The following CTCF variants were observed in gnomAD, a reference collection of about 807,000 sequenced individuals.
The protein encoded by CTCF is transcriptional repressor CTCF.
CTCF carries 7 observed loss-of-function variants against 72.3 expected under a neutral mutation model. The observed-to-expected ratio is 0.10, with a 90% CI of 0.06 to 0.18. The LOEUF is 0.18. CTCF is among the 10% of genes least tolerant of loss of function. The pLI is 1.00. For missense variants in CTCF, 516 were observed against 949.1 expected (o/e 0.54, Z 6.00); for synonymous variants, 374 against 315.8 (o/e 1.18, Z -1.95).
chr16:67,579,098 T>G (rs2051544815), intron 2 of CTCF, among the ~76,000 whole-genome samples: 1 of 150,182 alleles, frequency 6.7e-6, no homozygotes, highest in Admixed American at 6.6e-5. Context: ...CTACTAAAAA[T>G]ACAAAAATTA....
chr16:67,624,908 C>G (rs2052262283), intron 7 of CTCF, among the ~76,000 whole-genome samples: 1 of 151,652 alleles, frequency 6.6e-6, no homozygotes, highest in Non-Finnish European at 1.5e-5. Context: ...TCTGAGACTT[C>G]TTTGTGTGTA....
intron 2 of CTCF, among the ~76,000 whole-genome samples, chr16:67,585,193 G>A (rs558185552): frequency 2.0e-5 from 3 of 152,270 alleles, no homozygotes; most frequent in Admixed American, 6.5e-5. Context: ...GGGACTACAG[G>A]CATGCACCAT....
chr16:67,581,365 C>T (rs1037756644), intron 2 of CTCF, among the ~76,000 whole-genome samples: 4 of 151,722 alleles, frequency 2.6e-5, no homozygotes, highest in African/African-American at 4.8e-5. Context: ...CTCCGTCTCC[C>T]GTGCTGGAGT....
intron 2 of CTCF, among the ~76,000 whole-genome samples, chr16:67,588,660 T>TA (rs1213526255): frequency 1.3e-5 from 2 of 152,040 alleles, no homozygotes; most frequent in Non-Finnish European, 2.9e-5. Flanking sequence ...AGGCTACCCT[T>TA]AACAGAGGGC....
chr16:67,616,675 C>A, intron 4 of CTCF, 70 bp from the exon 5 acceptor site: 1 of 1,549,526 alleles, frequency 6.5e-7, no homozygotes, highest in South Asian at 1.1e-5. Context: ...CAGTTCTGTG[C>A]CACACATTGA....
At chr16:67,630,571 A>G (rs1330961802) in intron 10 of CTCF, among the ~76,000 whole-genome samples, 1 of 152,122 alleles carries the variant, frequency 6.6e-6, no homozygotes, top group Non-Finnish European at 1.5e-5. Context: ...CCTGGGGAAC[A>G]TGGCAAAACC....
At chr16:67,603,415 C>T (rs899909278) in intron 2 of CTCF, among the ~76,000 whole-genome samples, 1 of 151,658 alleles carries the variant, frequency 6.6e-6, no homozygotes, top group African/African-American at 2.4e-5. Context: ...TGCCTGTAGT[C>T]CCAGCTACTC....
intron 8 of CTCF, 37 bp downstream of exon 8, chr16:67,626,752 G>T: frequency 7.3e-7 from 1 of 1,362,630 alleles, no homozygotes. Flanking sequence ...GTGCTTTCTC[G>T]GTGTCTGGTG....
At chr16:67,595,402 C>T (rs1168307567) in intron 2 of CTCF, among the ~76,000 whole-genome samples, 1 of 152,194 alleles carries the variant, frequency 6.6e-6, no homozygotes, top group Non-Finnish European at 1.5e-5. Flanking sequence ...ATTGTACCTT[C>T]ATCGTACAGA....
At chr16:67,629,669 GTCTATT>G in intron 10 of CTCF, 136 bp downstream of exon 10, 2 of 671,404 alleles carry the variant, frequency 3.0e-6, no homozygotes, top group Non-Finnish European at 4.3e-6. Context: ...ATCTCCTAAC[GTCTATT>G]TACAACAGCA....
intron 8 of CTCF, chr16:67,627,030 A>G (rs1461985661): frequency 9.1e-6 from 2 of 219,204 alleles, no homozygotes; most frequent in East Asian, 9.1e-5. Flanking sequence ...GAGCCAAAGA[A>G]GGAGCTCAGC....
At chr16:67,588,928 T>C (rs1025110350) in intron 2 of CTCF, among the ~76,000 whole-genome samples, 3 of 152,010 alleles carry the variant, frequency 2.0e-5, no homozygotes, top group Non-Finnish European at 4.4e-5. Flanking sequence ...TAACCTCAAG[T>C]GATCCACCCG....
chr16:67,566,677 C>T (rs1327642574), intron 1 of CTCF, among the ~76,000 whole-genome samples: 2 of 150,242 alleles, frequency 1.3e-5, no homozygotes, highest in East Asian at 2.0e-4. Context: ...CCCAGGTTCA[C>T]GCCATTCTCC....
At chr16:67,633,535 T>G (rs187456856) in intron 10 of CTCF, among the ~76,000 whole-genome samples, 4 of 152,214 alleles carry the variant, frequency 2.6e-5, no homozygotes, top group Admixed American at 6.5e-5. Context: ...TCCAAAAACT[T>G]GACCTTAAAA....
chr16:67,603,399 G>C (rs2051924012), intron 2 of CTCF, among the ~76,000 whole-genome samples: 1 of 152,034 alleles, frequency 6.6e-6, no homozygotes, highest in Non-Finnish European at 1.5e-5. Context: ...TGGGAGTGCT[G>C]GTGGGTGCCT....
At chr16:67,621,388 A>T in intron 6 of CTCF, 54 bp from the exon 7 acceptor site, 2 of 1,352,132 alleles carry the variant, frequency 1.5e-6, no homozygotes. Context: ...CCTCCAGTTA[A>T]ATTACAGTAT....
chr16:67,565,250 C>T (rs924293806), intron 1 of CTCF, among the ~76,000 whole-genome samples: 2 of 152,258 alleles, frequency 1.3e-5, no homozygotes, highest in East Asian at 1.9e-4. Context: ...GATCCACCCG[C>T]CTCAGCCTCC....
chr16:67,617,897 C>A (rs942408095), intron 5 of CTCF, among the ~76,000 whole-genome samples: 1 of 152,044 alleles, frequency 6.6e-6, no homozygotes, highest in African/African-American at 2.4e-5. Flanking sequence ...AATGAGCCAA[C>A]CTAATTTAGT....
intron 2 of CTCF, 87 bp from the exon 3 acceptor site, chr16:67,610,737 A>ACC (rs1292500491): frequency 1.0e-6 from 1 of 982,040 alleles, no homozygotes; most frequent in African/African-American, 1.6e-5. Flanking sequence ...TAATTCATTC[A>ACC]CCAAAGGGTC....
Sources: allele counts gnomAD v4.1 joint callset (sites outside exome capture counted in the v4.1 genomes callset), GRCh38; gene constraint gnomAD v4.1.1; transcripts MANE v1.5; gene names NCBI Gene and HGNC (gene_info 2026-07-23, HGNC 2026-07-21).